The following QTRT2 variants were observed in gnomAD, a reference collection of about 807,000 sequenced individuals.
QTRT2 encodes the protein queuine tRNA-ribosyltransferase domain containing 1.
A neutral mutation model predicts 44.8 loss-of-function variants in QTRT2; 32 were observed. The observed-to-expected ratio is 0.71, with a 90% confidence interval of 0.54 to 0.96. QTRT2 has a LOEUF of 0.96. Among genes scored for constraint, QTRT2 ranks in the 40% least tolerant of loss-of-function variants. The pLI is 0.00. For missense variants in QTRT2, 461 were observed against 503.1 expected (o/e 0.92, Z 0.80); for synonymous variants, 182 against 187.4 (o/e 0.97, Z 0.24).
intron 2 of QTRT2, among the ~76,000 whole-genome samples, chr3:114,064,923 C>T (rs2107788086): frequency 6.6e-6 from 1 of 152,252 alleles, no homozygotes; most frequent in East Asian, 1.9e-4. Context: ...GGCTTCATGG[C>T]ATTCTTTCCA....
chr3:114,063,089 G>A (rs2076909638), intron 2 of QTRT2, among the ~76,000 whole-genome samples: 1 of 152,122 alleles, frequency 6.6e-6, no homozygotes, highest in African/African-American at 2.4e-5. Context: ...TAAAAATTCT[G>A]GTCCGTTTAA....
At chr3:114,065,534 T>C in intron 3 of QTRT2, 77 bp downstream of exon 3, 1 of 1,006,548 alleles carries the variant, frequency 9.9e-7, no homozygotes, top group Non-Finnish European at 1.5e-6. Context: ...AAGAGAAATA[T>C]TTTTTTTTGT....
In QTRT2 at chr3:114,087,753, T is replaced by TGAA. The variant is rs886709234; in HGVS notation, c.*1851_*1853dup. ...GGAAGCTTATAGTCATGACAGAAGG[T>TGAA]GAAGGGGGAGCAGGCACATCACATG... On this transcript the variant is annotated 3_prime_UTR_variant, in exon 10 of 10. Transcript: ENST00000281273. The TGAA allele has an allele frequency of 2.6e-5, 4 of 151,912 alleles. No individual in the cohort carries two copies. The highest frequency in any genetic ancestry group is 9.7e-5 in the African/African-American group (4 of 41,232). The allele number at this position is 151,912 out of a possible 1,614,324, so 9.4% of individuals were successfully genotyped here.
In QTRT2 at chr3:114,068,035, C is replaced by T. The variant is rs779171826; in HGVS notation, c.305C>T (p.Pro102Leu). ...LYCSLHDPVS[P>L]CPAGYVTNKS... ...TGCTCCCTGCACGATCCAGTCAGCC[C>T]CTGCCCGGCTGGTTATGTAACAAAC... is the stretch of plus-strand genomic sequence containing the variant. Residue 102 changes from proline to leucine, a missense_variant, in exon 5 of 10, where the codon CCC becomes CTC. Coordinates refer to ENST00000281273, the MANE Select transcript of QTRT2 (RefSeq NM_024638.4). 2.9e-5 allele frequency: 46 copies of T among 1,613,776 alleles called. 1 individual carries two copies. The South Asian group carries it at 5.1e-4, about 18-fold the overall frequency.
Position 114,088,376 on chromosome 3 carries a change from G to A in QTRT2, c.*2472G>A, listed in dbSNP as rs530678759. ...TTACTGTGTTTGGCTTTCTGTAAATGTAGTAGGTCTGTTAAACAAAATATT... is the reference window on the plus strand; with the variant it reads ...TTACTGTGTTTGGCTTTCTGTAAATATAGTAGGTCTGTTAAACAAAATATT... On this transcript the variant is annotated 3_prime_UTR_variant, in exon 10 of 10. Coordinates refer to ENST00000281273, the MANE Select transcript of QTRT2 (RefSeq NM_024638.4). 1 of 152,230 alleles carries A rather than the reference G, an allele frequency of 6.6e-6. No homozygotes were observed. Among genetic ancestry groups the A allele is most frequent in the South Asian group, 2.1e-4 (1 of 4,828 alleles). The allele number at this position is 152,230 out of a possible 1,614,324, so 9.4% of individuals were successfully genotyped here.
intron 9 of QTRT2, 89 bp from the exon 10 acceptor site, chr3:114,085,584 T>C (rs1291472276): frequency 7.4e-6 from 8 of 1,074,896 alleles, no homozygotes; most frequent in Middle Eastern, 2.2e-4. Flanking sequence ...TATTAACCAC[T>C]GGTAACTTTA....
chr3:114,079,920 T>G lies in QTRT2; in HGVS notation c.761T>G (p.Val254Gly), dbSNP rs2077143747. 6.2e-7 allele frequency: 1 copy of G among 1,613,536 alleles called. No homozygotes were observed. The highest frequency in any genetic ancestry group is 1.3e-5 in the African/African-American group (1 of 74,926). ...PEDKPRLISG[V>G]SRPDEVLECI... ...TACTTTTACAGGCTCATATCTGGTG[T>G]TAGTCGGCCAGATGAGGTGCTCGAG... is the stretch of plus-strand genomic sequence containing the variant. The change falls in exon 8 of 10, where the codon GTT becomes GGT. Residue 254 changes from valine (V) to glycine (G), a missense_variant. By Grantham distance (109) the Val-to-Gly change is moderately radical. Transcript: ENST00000281273.
At chr3:114,061,854 A>G (rs556525889) in intron 2 of QTRT2, among the ~76,000 whole-genome samples, 8 of 152,308 alleles carry the variant, frequency 5.3e-5, no homozygotes, top group South Asian at 4.1e-4. Context: ...CTGGAATTAC[A>G]GGCGTGAGCC....
intron 8 of QTRT2, among the ~76,000 whole-genome samples, chr3:114,082,388 T>C (rs1408395624): frequency 6.6e-6 from 1 of 152,228 alleles, no homozygotes; most frequent in African/African-American, 2.4e-5. Flanking sequence ...TGGCCACCAA[T>C]GTTTTTAAAT....
At chr3:114,076,322 G>A (rs538449991) in intron 6 of QTRT2, among the ~76,000 whole-genome samples, 13 of 152,012 alleles carry the variant, frequency 8.6e-5, no homozygotes, top group African/African-American at 2.7e-4. Flanking sequence ...ACAAGCCACC[G>A]TGCCCAGCTA....
chr3:114,085,761 G>T lies in QTRT2; in HGVS notation c.1105G>T (p.Val369Leu), dbSNP rs770301811. 1.2e-6 allele frequency: 2 copies of T among 1,614,182 alleles called. No homozygotes were observed. The highest frequency in any genetic ancestry group is 3.3e-5 in the Admixed American group (2 of 60,016). The change falls in exon 10 of 10, where the codon GTG (valine) becomes TTG (leucine). Residue 369 changes from valine to leucine, a missense_variant. Val to Leu is a conservative substitution (Grantham distance 32). Transcript: ENST00000281273. Reference protein sequence around the residue: ...HTRAYIHHLLVTNELLAGVLL... With the variant: ...HTRAYIHHLLLTNELLAGVLL... The stretch of plus-strand genomic sequence containing the variant: ...TCGGGCATACATCCACCATCTGCTG[G>T]TGACCAATGAGCTGCTGGCCGGAGT...
At chr3:114,063,179 G>A (rs903567354) in intron 2 of QTRT2, among the ~76,000 whole-genome samples, 2 of 152,200 alleles carry the variant, frequency 1.3e-5, no homozygotes, top group African/African-American at 2.4e-5. Flanking sequence ...AGAACAACAG[G>A]TATTGATTCA....
At position 114,086,238 on chromosome 3, in the gene QTRT2, AC is replaced by A; in HGVS notation, c.*337del. Reference sequence around the variant, plus strand: ...AGTGGGAGTGATGAGATTCTGAGGGACCCATGAATTGGATTGAGGCTTGAGG... The same window carrying A: ...AGTGGGAGTGATGAGATTCTGAGGGACCATGAATTGGATTGAGGCTTGAGG... On this transcript the variant is annotated 3_prime_UTR_variant, in exon 10 of 10. Transcript: ENST00000281273. The A allele has an allele frequency of 1.6e-5, 5 of 306,924 alleles. No homozygotes were observed. Among genetic ancestry groups the A allele is most frequent in the Non-Finnish European group, 1.9e-5 (3 of 158,492 alleles). 19.0% of individuals were successfully genotyped at this position (306,924 alleles called of 1,614,324 possible).
chr3:114,077,555 T>C (rs1018573156), intron 7 of QTRT2: 5 of 153,288 alleles, frequency 3.3e-5, no homozygotes, highest in African/African-American at 7.2e-5. Flanking sequence ...GCAGCTGATA[T>C]CGTATTAGGC....
Position 114,065,407 on chromosome 3 carries a change from G to T in QTRT2, c.150G>T (p.Leu50=). ...GSAPHLTHHT[L]HNIHGVPAMA... is the part of the protein sequence containing the mutation. ...CCCCACACCTCACCCATCACACGCT[G>T]CATAATATCCACGGGGTTCCTGCCA... The change falls in exon 3 of 10, where the codon CTG becomes CTT. Residue 50 remains leucine, a synonymous_variant. Transcript: ENST00000281273. The T allele has an allele frequency of 6.2e-7, 1 of 1,614,104 alleles. No homozygotes were observed.
At chr3:114,081,115 T>G (rs2077160592) in intron 8 of QTRT2, among the ~76,000 whole-genome samples, 1 of 152,234 alleles carries the variant, frequency 6.6e-6, no homozygotes, top group African/African-American at 2.4e-5. Context: ...TGCAAAGCTC[T>G]AAAAAGAACC....
intron 2 of QTRT2, among the ~76,000 whole-genome samples, chr3:114,058,559 A>G (rs768004933): frequency 1.3e-5 from 2 of 151,942 alleles, no homozygotes; most frequent in African/African-American, 2.4e-5. Flanking sequence ...TTGAGACGGC[A>G]TCTTGCTTTG....
At chr3:114,062,450 A>G (rs568341570) in intron 2 of QTRT2, among the ~76,000 whole-genome samples, 1 of 152,050 alleles carries the variant, frequency 6.6e-6, no homozygotes, top group Non-Finnish European at 1.5e-5. Context: ...GCCTATGACT[A>G]AGCAGGCCTA....
At chr3:114,064,293 C>T (rs2076925157) in intron 2 of QTRT2, among the ~76,000 whole-genome samples, 1 of 151,966 alleles carries the variant, frequency 6.6e-6, no homozygotes, top group Non-Finnish European at 1.5e-5. Context: ...TAAAACTGGG[C>T]CTGGCCCAGT....
Sources: allele counts gnomAD v4.1 joint callset (sites outside exome capture counted in the v4.1 genomes callset), GRCh38; gene constraint gnomAD v4.1.1; transcripts MANE v1.5; gene names NCBI Gene and HGNC (gene_info 2026-07-23, HGNC 2026-07-21).